Variants in DPP6 observed in about 807,000 individuals in gnomAD.
DPP6 encodes the protein A-type potassium channel modulatory protein DPP6.
In DPP6, 69 loss-of-function variants were observed where a neutral mutation model predicts 122.6. That is an observed-to-expected ratio of 0.56 (90% CI 0.46 to 0.69). DPP6 has a LOEUF of 0.69. DPP6 is among the 30% of genes least tolerant of loss of function. DPP6 has a pLI of 0.00. For synonymous variants in DPP6, 418 were observed against 433.1 expected (o/e 0.97, Z 0.43); for missense variants, 928 against 1,116.9 (o/e 0.83, Z 2.41).
chr7:154,308,433 T>A (rs1806565569), intron 1 of DPP6, among the ~76,000 whole-genome samples: 3 of 152,186 alleles, frequency 2.0e-5, no homozygotes, highest in African/African-American at 7.2e-5. Flanking sequence ...CTCTTTCTCT[T>A]TGGAGATGCT....
chr7:154,635,528 C>A (rs1835679791), intron 5 of DPP6, among the ~76,000 whole-genome samples: 1 of 152,230 alleles, frequency 6.6e-6, no homozygotes, highest in Non-Finnish European at 1.5e-5. Context: ...TATCTGTTTT[C>A]TCTGGATTTA....
At chr7:154,105,729 G>A (rs1299928823) in intron 1 of DPP6, among the ~76,000 whole-genome samples, 1 of 152,142 alleles carries the variant, frequency 6.6e-6, no homozygotes, top group East Asian at 1.9e-4. Flanking sequence ...TGCACTTGCT[G>A]TCTTTGTCTG....
chr7:153,824,111 G>A, the DPP6 span, among the ~76,000 whole-genome samples: 2 of 152,148 alleles, frequency 1.3e-5, no homozygotes, highest in Non-Finnish European at 2.9e-5. Context: ...TATTGGGGTT[G>A]GGCGCGGTGG....
chr7:154,037,497 ATTAC>A (rs1799597853), intron 1 of DPP6, among the ~76,000 whole-genome samples: 1 of 145,474 alleles, frequency 6.9e-6, no homozygotes, highest in South Asian at 2.3e-4. Flanking sequence ...CTTAATCCAA[ATTAC>A]TTAATAGACG....
At chr7:153,970,516 CTT>C (rs375899749) in intron 1 of DPP6, among the ~76,000 whole-genome samples, 7 of 152,122 alleles carry the variant, frequency 4.6e-5, no homozygotes, top group Non-Finnish European at 1.0e-4. Context: ...AATTTATCAA[CTT>C]TTTTCTTTTG....
the DPP6 span, among the ~76,000 whole-genome samples, chr7:153,872,592 T>C: frequency 2.9e-3 from 438 of 152,316 alleles, 4 homozygotes; most frequent in African/African-American, 9.8e-3. Context: ...CCATGCCCTG[T>C]TTTTCATAAA....
intron 4 of DPP6, among the ~76,000 whole-genome samples, chr7:154,553,226 A>C (rs1173378642): frequency 6.6e-6 from 1 of 152,260 alleles, no homozygotes; most frequent in Non-Finnish European, 1.5e-5. Flanking sequence ...AGTTGGTTTA[A>C]GTTACATCAC....
At chr7:154,596,645 C>A (rs559793428) in intron 5 of DPP6, among the ~76,000 whole-genome samples, 2 of 151,976 alleles carry the variant, frequency 1.3e-5, no homozygotes, top group Non-Finnish European at 2.9e-5. Context: ...AGGGAGGACT[C>A]GGGTATCTGG....
the DPP6 span, among the ~76,000 whole-genome samples, chr7:153,798,041 AC>A: frequency 6.6e-6 from 1 of 151,974 alleles, no homozygotes; most frequent in Non-Finnish European, 1.5e-5. Context: ...ACGGGGTTTC[AC>A]CATGTTAGCC....
chr7:154,430,275 G>A (rs1295095733), intron 1 of DPP6, among the ~76,000 whole-genome samples: 1 of 152,196 alleles, frequency 6.6e-6, no homozygotes, highest in Non-Finnish European at 1.5e-5. Flanking sequence ...CTGCTATAGA[G>A]ATACCCTTTG....
intron 1 of DPP6, among the ~76,000 whole-genome samples, chr7:154,105,645 G>A (rs1178381276): frequency 6.6e-6 from 1 of 152,086 alleles, no homozygotes; most frequent in Non-Finnish European, 1.5e-5. Context: ...CATGAGGGTG[G>A]GTCTTTCCTG....
At chr7:154,406,209 AC>A (rs1816073787) in intron 1 of DPP6, among the ~76,000 whole-genome samples, 1 of 152,196 alleles carries the variant, frequency 6.6e-6, no homozygotes, top group Non-Finnish European at 1.5e-5. Flanking sequence ...TTGCCAGCCA[AC>A]CTTTAAATTT....
intron 1 of DPP6, among the ~76,000 whole-genome samples, chr7:153,973,999 C>T (rs569928530): frequency 8.6e-5 from 13 of 151,936 alleles, no homozygotes; most frequent in South Asian, 2.1e-4. Context: ...TGCAGACAAC[C>T]GTGAACATAC....
chr7:153,816,747 C>T, the DPP6 span, among the ~76,000 whole-genome samples: 3 of 151,790 alleles, frequency 2.0e-5, no homozygotes, highest in African/African-American at 7.3e-5. Context: ...CAGGTGAGAC[C>T]CATTTACTAG....
intron 1 of DPP6, among the ~76,000 whole-genome samples, chr7:153,915,007 C>G (rs1800246107): frequency 6.6e-6 from 1 of 152,180 alleles, no homozygotes; most frequent in Non-Finnish European, 1.5e-5. Context: ...CCTTTTTAAG[C>G]TTTCCTTAAA....
intron 6 of DPP6, among the ~76,000 whole-genome samples, chr7:154,658,548 T>C (rs749235470): frequency 6.6e-6 from 1 of 152,052 alleles, no homozygotes; most frequent in Non-Finnish European, 1.5e-5. Flanking sequence ...GGAGGAAGCC[T>C]TCTGCAGGGA....
intron 1 of DPP6, among the ~76,000 whole-genome samples, chr7:154,224,216 C>A (rs921953616): frequency 6.7e-6 from 1 of 148,970 alleles, no homozygotes. Flanking sequence ...GATGTAAAAT[C>A]CATGTGTGAG....
chr7:154,778,565 A>G lies in DPP6; in HGVS notation c.1136+5623A>G, dbSNP rs111227212. Among the ~76,000 whole-genome samples the G allele has an allele frequency of 1.2e-3, 171 of 139,552 alleles. 1 individual carries two copies. Among genetic ancestry groups the G allele is most frequent in the African/African-American group, 4.8e-3 (157 of 32,730 alleles). The allele number at this position is 139,552 out of a possible 152,430, so 91.6% of individuals were successfully genotyped here. On this transcript the variant is annotated intron_variant, in intron 10 of 25. Transcript: ENST00000377770. ...CCTAATGGCTTGAGCACCCCCCCCCAAAAAAAACCACCACCATCATCAGTA... is the reference window on the plus strand; with the variant it reads ...CCTAATGGCTTGAGCACCCCCCCCCGAAAAAAACCACCACCATCATCAGTA...
At chr7:153,886,444 G>A (rs1317542442), upstream of DPP6, among the ~76,000 whole-genome samples, 1 of 152,184 alleles carries the variant, frequency 6.6e-6, no homozygotes, top group African/African-American at 2.4e-5. Flanking sequence ...GGTAGGGAGA[G>A]CCGTGGGCGC....
Sources: gnomAD v4.1 joint callset for allele counts (sites outside exome capture counted in the v4.1 genomes callset) on GRCh38, gnomAD v4.1.1 for gene constraint, MANE v1.5 for transcripts, NCBI Gene and HGNC (gene_info 2026-07-23, HGNC 2026-07-21) for gene names.